The following PHKB variants were observed in gnomAD, a reference collection of about 807,000 sequenced individuals.
The protein encoded by PHKB is phosphorylase b kinase regulatory subunit beta.
PHKB carries 122 observed loss-of-function variants against 152.1 expected under a neutral mutation model. The ratio of observed to expected loss-of-function variants is 0.80; its 90% CI spans 0.69 to 0.93. The LOEUF is 0.93. Ranked by LOEUF, PHKB falls within the 40% of genes least tolerant of loss-of-function variation. The pLI, the probability that PHKB is intolerant of heterozygous loss-of-function variation, is 0.00. For synonymous variants in PHKB, 436 were observed against 464.9 expected, an observed-to-expected ratio of 0.94 and a Z score of 0.80; for missense variants, 1,304 against 1,328.4, an observed-to-expected ratio of 0.98 and a Z score of 0.29.
intron 7 of PHKB, among the ~76,000 whole-genome samples, chr16:47,574,112 G>T (rs1971710367): frequency 1.3e-5 from 2 of 152,160 alleles, no homozygotes; most frequent in Non-Finnish European, 2.9e-5. Flanking sequence ...TAGAGACAGG[G>T]TTTCGCCATG....
intron 4 of PHKB, among the ~76,000 whole-genome samples, chr16:47,507,026 T>TG (rs1025100811): frequency 4.6e-5 from 7 of 152,188 alleles, no homozygotes; most frequent in Non-Finnish European, 1.0e-4. Context: ...CAGGCTTGAA[T>TG]GCAGTGGTGT....
intron 25 of PHKB, chr16:47,665,293 G>C (rs1973518704): frequency 3.2e-6 from 1 of 317,320 alleles, no homozygotes; most frequent in Non-Finnish European, 6.0e-6. Flanking sequence ...TACTTTTGAG[G>C]GAAAAAAATT....
At chr16:47,582,557 T>C (rs990606953) in intron 8 of PHKB, among the ~76,000 whole-genome samples, 1 of 152,350 alleles carries the variant, frequency 6.6e-6, no homozygotes, top group Admixed American at 6.5e-5. Context: ...ATATGAGCTC[T>C]ACTTCCAGGG....
At chr16:47,519,078 A>G (rs1970644145) in intron 6 of PHKB, among the ~76,000 whole-genome samples, 1 of 152,234 alleles carries the variant, frequency 6.6e-6, no homozygotes, top group African/African-American at 2.4e-5. Flanking sequence ...TTAAGAGCAC[A>G]TTTAGGTTGC....
chr16:47,581,323 CT>C (rs760423040), intron 8 of PHKB, among the ~76,000 whole-genome samples: 10 of 152,162 alleles, frequency 6.6e-5, no homozygotes, highest in Non-Finnish European at 1.5e-4. Context: ...GATGGATGGG[CT>C]CTGTCTATAT....
At chr16:47,527,773 T>C (rs551390613) in intron 6 of PHKB, among the ~76,000 whole-genome samples, 1 of 152,254 alleles carries the variant, frequency 6.6e-6, no homozygotes, top group Admixed American at 6.5e-5. Context: ...CCTAATCCAG[T>C]CTGACTGGTG....
At chr16:47,593,387 C>T (rs556400696) in intron 10 of PHKB, 113 bp from the exon 11 acceptor site, 5 of 667,626 alleles carry the variant, frequency 7.5e-6, no homozygotes, top group Admixed American at 6.5e-5. Context: ...CTGCAGAGAG[C>T]CGTGATTGTG....
At chr16:47,636,846 A>C (rs1972929535) in intron 14 of PHKB, among the ~76,000 whole-genome samples, 1 of 152,112 alleles carries the variant, frequency 6.6e-6, no homozygotes, top group Non-Finnish European at 1.5e-5. Context: ...CCTGCCTTCA[A>C]ACCAGGGATG....
At chr16:47,588,868 G>A (rs1225656067) in intron 9 of PHKB, 37 bp from the exon 10 acceptor site, 4 of 1,549,684 alleles carry the variant, frequency 2.6e-6, no homozygotes, top group Non-Finnish European at 3.6e-6. Flanking sequence ...TCACATCGCT[G>A]TGGACACTCA....
intron 1 of PHKB, chr16:47,462,234 C>A (rs920005293): frequency 1.3e-5 from 2 of 152,238 alleles, no homozygotes; most frequent in Non-Finnish European, 2.9e-5. Context: ...TGCAGGTTTT[C>A]AGCTAAGGAG....
chr16:47,612,092 AG>A (rs1458490758), intron 14 of PHKB, among the ~76,000 whole-genome samples: 7 of 152,258 alleles, frequency 4.6e-5, no homozygotes, highest in African/African-American at 1.7e-4. Context: ...AAGTGTTTGT[AG>A]GTACAGTGCA....
intron 6 of PHKB, among the ~76,000 whole-genome samples, chr16:47,530,444 G>A (rs910742606): frequency 2.2e-4 from 34 of 152,092 alleles, no homozygotes; most frequent in African/African-American, 7.0e-4. Context: ...AAGCCACTGC[G>A]CCTGGCCACT....
chr16:47,519,041 A>G (rs1342594192), intron 6 of PHKB, among the ~76,000 whole-genome samples: 4 of 152,190 alleles, frequency 2.6e-5, no homozygotes, highest in Non-Finnish European at 5.9e-5. Context: ...TGTTTGAGAT[A>G]CTTTTTTATG....
intron 17 of PHKB, 136 bp downstream of exon 17, chr16:47,648,752 A>G: frequency 1.4e-6 from 1 of 702,138 alleles, no homozygotes; most frequent in Non-Finnish European, 2.6e-6. Flanking sequence ...ATTTTCTGCT[A>G]GTAAACATTA....
chr16:47,645,045 T>A (rs1010218806), intron 16 of PHKB, among the ~76,000 whole-genome samples: 1 of 152,228 alleles, frequency 6.6e-6, no homozygotes, highest in Non-Finnish European at 1.5e-5. Context: ...TAAAAAAGAA[T>A]GCCAAATTCC....
At chr16:47,689,230 A>C in intron 27 of PHKB, 55 bp downstream of exon 27, 1 of 1,558,070 alleles carries the variant, frequency 6.4e-7, no homozygotes, top group Non-Finnish European at 8.9e-7. Context: ...ATAACATCAT[A>C]ATTTTTAGCT....
chr16:47,552,669 T>C (rs1787173816), intron 7 of PHKB, among the ~76,000 whole-genome samples: 2 of 151,752 alleles, frequency 1.3e-5, no homozygotes, highest in African/African-American at 2.4e-5. Flanking sequence ...ATTAGCCGAG[T>C]GTGGTGGCGG....
At chr16:47,466,975 A>G (rs1969680524) in intron 1 of PHKB, among the ~76,000 whole-genome samples, 1 of 152,022 alleles carries the variant, frequency 6.6e-6, no homozygotes, top group African/African-American at 2.4e-5. Flanking sequence ...TACCTATTTG[A>G]TCCTGAGGAA....
At chr16:47,632,197 A>G (rs530578308) in intron 14 of PHKB, among the ~76,000 whole-genome samples, 12 of 152,280 alleles carry the variant, frequency 7.9e-5, no homozygotes, top group Non-Finnish European at 1.8e-4. Flanking sequence ...AATGCCTCTG[A>G]ATGATTTAGT....
Sources: gnomAD v4.1 joint callset for allele counts (sites outside exome capture counted in the v4.1 genomes callset) on GRCh38, gnomAD v4.1.1 for gene constraint, MANE v1.5 for transcripts, NCBI Gene and HGNC (gene_info 2026-07-23, HGNC 2026-07-21) for gene names.